The following CCDC171 variants were observed in gnomAD, a reference collection of about 807,000 sequenced individuals.
The protein encoded by CCDC171 is coiled-coil domain containing 171.
CCDC171 carries 177 observed loss-of-function variants against 168.2 expected under a neutral mutation model. That is an observed-to-expected ratio of 1.05 (90% CI 0.93 to 1.19). CCDC171 has a LOEUF of 1.19. Ranked by LOEUF, CCDC171 falls within the 50% of genes most tolerant of loss-of-function variation. The pLI is 0.00. For synonymous variants in CCDC171, 687 were observed against 540.8 expected, an observed-to-expected ratio of 1.27 and a Z score of -3.75; for missense variants, 1,991 against 1,539.0, an observed-to-expected ratio of 1.29 and a Z score of -4.91.
intron 7 of CCDC171, among the ~76,000 whole-genome samples, chr9:15,639,269 C>T (rs994190534): frequency 4.6e-5 from 7 of 151,926 alleles, no homozygotes; most frequent in African/African-American, 9.7e-5. Context: ...GATGAAATCA[C>T]CTGTGTTATA....
At chr9:15,823,005 A>T (rs1195600592) in intron 21 of CCDC171, among the ~76,000 whole-genome samples, 1 of 151,830 alleles carries the variant, frequency 6.6e-6, no homozygotes, top group East Asian at 1.9e-4. Flanking sequence ...CTATGCAGCC[A>T]TAAAAAATGG....
chr9:15,977,635 G>C (rs943360305), downstream of CCDC171, among the ~76,000 whole-genome samples: 1 of 152,144 alleles, frequency 6.6e-6, no homozygotes, highest in South Asian at 2.1e-4. Flanking sequence ...GTCTTTTATT[G>C]CATGTTAATG....
At chr9:15,992,596 C>T (rs1021230724) in intron 3 of CCDC171, among the ~76,000 whole-genome samples, 1 of 152,112 alleles carries the variant, frequency 6.6e-6, no homozygotes, top group African/African-American at 2.4e-5. Context: ...CTGGCCAGGG[C>T]AGTCAGGCAG....
intron 3 of CCDC171, among the ~76,000 whole-genome samples, chr9:15,988,949 G>T (rs2382548): frequency 0.37 from 56,227 of 152,000 alleles, 10,671 homozygotes; most frequent in Non-Finnish European, 0.42. Context: ...ACTGGGTGGA[G>T]CCCACCGCGG....
chr9:15,778,293 G>A (rs1307706175), intron 19 of CCDC171, among the ~76,000 whole-genome samples: 13 of 105,946 alleles, frequency 1.2e-4, no homozygotes, highest in African/African-American at 4.1e-4. Context: ...TGGCCTGGGC[G>A]ACAGAGCGAG....
At chr9:15,612,678 C>G (rs1397696678) in intron 6 of CCDC171, among the ~76,000 whole-genome samples, 2 of 151,994 alleles carry the variant, frequency 1.3e-5, no homozygotes, top group Non-Finnish European at 2.9e-5. Flanking sequence ...CTTTTGTGTG[C>G]TTTGTTCATT....
intron 7 of CCDC171, among the ~76,000 whole-genome samples, chr9:15,638,049 A>G (rs2046333886): frequency 6.6e-6 from 1 of 152,134 alleles, no homozygotes; most frequent in Non-Finnish European, 1.5e-5. Flanking sequence ...CACCACACTG[A>G]CTTCCACAAT....
intron 7 of CCDC171, among the ~76,000 whole-genome samples, chr9:15,626,733 T>C (rs4741520): frequency 0.48 from 72,906 of 152,050 alleles, 17,934 homozygotes; most frequent in East Asian, 0.76. Flanking sequence ...TTACTGAGGA[T>C]TTTTGCATCA....
At chr9:15,676,715 A>G (rs192331623) in intron 9 of CCDC171, among the ~76,000 whole-genome samples, 1 of 152,232 alleles carries the variant, frequency 6.6e-6, no homozygotes, top group Non-Finnish European at 1.5e-5. Flanking sequence ...TATTTATCAG[A>G]GGAAAATTTA....
intron 23 of CCDC171, among the ~76,000 whole-genome samples, chr9:15,869,867 A>C (rs2061958901): frequency 6.6e-6 from 1 of 151,818 alleles, no homozygotes; most frequent in Non-Finnish European, 1.5e-5. Context: ...CTCACTAGAA[A>C]TTGTTTGTAG....
At chr9:16,009,203 A>C (rs1220457279) in intron 3 of CCDC171, among the ~76,000 whole-genome samples, 1 of 152,144 alleles carries the variant, frequency 6.6e-6, no homozygotes, top group Non-Finnish European at 1.5e-5. Context: ...GAAGCTCACA[A>C]AAATGTCCTT....
chr9:15,943,607 A>G (rs1359507825), intron 25 of CCDC171, among the ~76,000 whole-genome samples: 1 of 151,986 alleles, frequency 6.6e-6, no homozygotes, highest in Non-Finnish European at 1.5e-5. Flanking sequence ...CCCACACTGT[A>G]CCTGACTCAT....
the CCDC171 span, among the ~76,000 whole-genome samples, chr9:16,081,624 A>T: frequency 6.6e-6 from 1 of 152,214 alleles, no homozygotes; most frequent in East Asian, 1.9e-4. Context: ...CCAGGCTATG[A>T]TGTGCCTAGA....
At chr9:15,661,698 G>C (rs1216279806) in intron 8 of CCDC171, among the ~76,000 whole-genome samples, 2 of 152,016 alleles carry the variant, frequency 1.3e-5, no homozygotes, top group African/African-American at 2.4e-5. Flanking sequence ...TGTATATTTT[G>C]GCATAAAAAT....
At chr9:15,758,055 C>T (rs2056233812) in intron 18 of CCDC171, among the ~76,000 whole-genome samples, 3 of 152,098 alleles carry the variant, frequency 2.0e-5, no homozygotes, top group Admixed American at 6.6e-5. Context: ...ACACAGAGTC[C>T]CTACTGGGGC....
intron 1 of CCDC171, among the ~76,000 whole-genome samples, chr9:15,562,687 G>T (rs1287828997): frequency 6.6e-6 from 1 of 152,118 alleles, no homozygotes; most frequent in East Asian, 1.9e-4. Flanking sequence ...TGCCTGTTGT[G>T]CTACCTCTGC....
At chr9:15,790,010 A>T (rs2058172737) in intron 21 of CCDC171, among the ~76,000 whole-genome samples, 1 of 152,094 alleles carries the variant, frequency 6.6e-6, no homozygotes, top group Admixed American at 6.6e-5. Context: ...ATGGTTGGAC[A>T]TTTGGGTTGG....
At chr9:15,725,903 AT>A in intron 14 of CCDC171, among the ~76,000 whole-genome samples, 1 of 152,164 alleles carries the variant, frequency 6.6e-6, no homozygotes, top group South Asian at 2.1e-4. Context: ...TTGCCTACCC[AT>A]TTATGTTTAT....
chr9:15,724,663 T>A (rs965827693), intron 13 of CCDC171, 113 bp from the exon 14 acceptor site: 2 of 661,480 alleles, frequency 3.0e-6, no homozygotes, highest in Non-Finnish European at 5.4e-6. Context: ...CCTGCCTTTG[T>A]GATTCTTTCA....
Sources: allele counts gnomAD v4.1 joint callset (sites outside exome capture counted in the v4.1 genomes callset), GRCh38; gene constraint gnomAD v4.1.1; transcripts MANE v1.5; gene names NCBI Gene and HGNC (gene_info 2026-07-23, HGNC 2026-07-21).